Variants in SUMF1 observed in about 807,000 individuals in gnomAD.
SUMF1 encodes the protein sulfatase modifying factor 1.
In SUMF1, 48 loss-of-function variants were observed where a neutral mutation model predicts 47.6. The observed-to-expected ratio is 1.01, with a 90% CI of 0.80 to 1.28. SUMF1 has a LOEUF of 1.28. SUMF1 is among the 50% of genes most tolerant of loss of function. The pLI, the probability that SUMF1 is intolerant of heterozygous loss-of-function variation, is 0.00. For missense variants in SUMF1, 571 were observed against 485.4 expected, an observed-to-expected ratio of 1.18 and a Z score of -1.66; for synonymous variants, 230 against 192.1, an observed-to-expected ratio of 1.20 and a Z score of -1.63.
intron 8 of SUMF1, among the ~76,000 whole-genome samples, chr3:4,236,813 G>C (rs1696420242): frequency 2.0e-5 from 3 of 151,858 alleles, no homozygotes; most frequent in Non-Finnish European, 4.4e-5. Flanking sequence ...TACATTCTAT[G>C]GGTTTTGACA....
chr3:4,338,469 T>C (rs2125136966), intron 8 of SUMF1, among the ~76,000 whole-genome samples: 1 of 152,266 alleles, frequency 6.6e-6, no homozygotes, highest in Non-Finnish European at 1.5e-5. Flanking sequence ...TGAACCACCT[T>C]GACACCAAAA....
intron 8 of SUMF1, among the ~76,000 whole-genome samples, chr3:4,234,493 G>T (rs1420118485): frequency 6.6e-6 from 1 of 151,976 alleles, no homozygotes; most frequent in Non-Finnish European, 1.5e-5. Flanking sequence ...CGTTTCTCCT[G>T]CTCATTCACG....
chr3:4,365,397 C>T (rs1301801487), intron 8 of SUMF1, among the ~76,000 whole-genome samples: 1 of 123,128 alleles, frequency 8.1e-6, no homozygotes, highest in East Asian at 2.1e-4. Flanking sequence ...AATCTGGGTG[C>T]TTCTGTATTG....
intron 8 of SUMF1, among the ~76,000 whole-genome samples, chr3:4,250,504 C>T (rs146626216): frequency 5.9e-5 from 9 of 151,860 alleles, no homozygotes; most frequent in Non-Finnish European, 8.8e-5. Context: ...ATAAAGGTAG[C>T]GACACTGAAC....
At chr3:4,307,447 C>A (rs1375198223) in intron 8 of SUMF1, among the ~76,000 whole-genome samples, 1 of 152,084 alleles carries the variant, frequency 6.6e-6, no homozygotes, top group Non-Finnish European at 1.5e-5. Flanking sequence ...AATTAGAGAG[C>A]CCTACAATCT....
At chr3:4,347,057 A>G (rs150498800) in intron 8 of SUMF1, among the ~76,000 whole-genome samples, 2 of 152,344 alleles carry the variant, frequency 1.3e-5, no homozygotes, top group East Asian at 3.8e-4. Flanking sequence ...TACCAACTAA[A>G]AAAAGCCCAG....
intron 8 of SUMF1, among the ~76,000 whole-genome samples, chr3:4,268,388 C>G (rs1399375709): frequency 6.6e-6 from 1 of 151,832 alleles, no homozygotes; most frequent in Non-Finnish European, 1.5e-5. Flanking sequence ...ACATATGTAA[C>G]TAACCTGCAC....
At chr3:4,153,766 T>C (rs528753182) in intron 8 of SUMF1, among the ~76,000 whole-genome samples, 1 of 151,578 alleles carries the variant, frequency 6.6e-6, no homozygotes, top group Admixed American at 6.6e-5. Context: ...CTGTATGTTG[T>C]ATTCAGCAAC....
intron 8 of SUMF1, among the ~76,000 whole-genome samples, chr3:4,205,689 T>C (rs1010177131): frequency 6.6e-6 from 1 of 152,144 alleles, no homozygotes; most frequent in African/African-American, 2.4e-5. Context: ...CTCATAGAGG[T>C]ACTGCCTTGG....
At chr3:4,109,781 C>A (rs533767915) in intron 8 of SUMF1, among the ~76,000 whole-genome samples, 93 of 152,214 alleles carry the variant, frequency 6.1e-4, no homozygotes, top group South Asian at 3.5e-3. Flanking sequence ...TCCATCAGGT[C>A]ATTTAAGGAC....
intron 9 of SUMF1, among the ~76,000 whole-genome samples, chr3:4,040,332 C>CT (rs1286826324): frequency 1.3e-5 from 2 of 152,110 alleles, no homozygotes; most frequent in Non-Finnish European, 2.9e-5. Flanking sequence ...AGGCCTATTG[C>CT]TACTAACTCA....
intron 8 of SUMF1, among the ~76,000 whole-genome samples, chr3:4,253,402 C>T (rs566649549): frequency 2.0e-5 from 3 of 152,256 alleles, no homozygotes; most frequent in Admixed American, 6.5e-5. Flanking sequence ...CCAGTGGGTG[C>T]GTGCACCGTG....
At chr3:4,093,281 C>T (rs73806899) in intron 8 of SUMF1, among the ~76,000 whole-genome samples, 22,343 of 152,102 alleles carry the variant, frequency 0.15, 3,497 homozygotes, top group African/African-American at 0.38. Context: ...TATCAACTAA[C>T]ATTTGTAGAT....
chr3:4,273,596 T>A (rs2322522), intron 8 of SUMF1, among the ~76,000 whole-genome samples: 53,957 of 151,360 alleles, frequency 0.36, 10,496 homozygotes, highest in Non-Finnish European at 0.44. Flanking sequence ...GGCACCACTC[T>A]GTGAATGTAC....
At chr3:4,330,473 C>T (rs1454610452) in intron 8 of SUMF1, among the ~76,000 whole-genome samples, 1 of 152,192 alleles carries the variant, frequency 6.6e-6, no homozygotes, top group African/African-American at 2.4e-5. Context: ...GGCAAGAGAG[C>T]TTGTGCAGGG....
intron 8 of SUMF1, among the ~76,000 whole-genome samples, chr3:4,177,114 A>T (rs893939910): frequency 6.6e-6 from 1 of 152,162 alleles, no homozygotes; most frequent in African/African-American, 2.4e-5. Context: ...CCCACTGTCA[A>T]TATTAGACAG....
At chr3:4,379,249 G>A (rs1376642365) in intron 7 of SUMF1, among the ~76,000 whole-genome samples, 1 of 152,146 alleles carries the variant, frequency 6.6e-6, no homozygotes, top group Non-Finnish European at 1.5e-5. Flanking sequence ...GACCTGATTC[G>A]GAAATAGGAA....
chr3:4,195,698 T>C (rs1695412929), intron 8 of SUMF1, among the ~76,000 whole-genome samples: 1 of 152,146 alleles, frequency 6.6e-6, no homozygotes, highest in Non-Finnish European at 1.5e-5. Flanking sequence ...ATGAAGTTTA[T>C]CTGTTCTTTA....
Position 4,120,201 on chromosome 3 carries a change from G to A in SUMF1, c.1015-51456C>T, listed in dbSNP as rs142700407. Among the ~76,000 whole-genome samples the A allele has an allele frequency of 2.1e-4, 32 of 152,092 alleles. 1 individual carries two copies. The East Asian group carries it at 4.6e-3, about 22-fold the overall frequency. On this transcript the variant is annotated intron_variant and NMD_transcript_variant, in intron 8 of 12. Coordinates refer to the SUMF1 transcript ENST00000448413. Reference sequence around the variant, plus strand: ...TATTTATGTCTCTGTCTTTACCACTGAACTGTGAGCTTTCTGAAACCAAAA... The same window carrying A: ...TATTTATGTCTCTGTCTTTACCACTAAACTGTGAGCTTTCTGAAACCAAAA...
Sources: allele counts gnomAD v4.1 joint callset (sites outside exome capture counted in the v4.1 genomes callset), GRCh38; gene constraint gnomAD v4.1.1; transcripts MANE v1.5; gene names NCBI Gene and HGNC (gene_info 2026-07-23, HGNC 2026-07-21).